Variants in COL5A1 observed in about 807,000 individuals in gnomAD.
COL5A1 encodes the protein collagen type V alpha 1 chain, also known as collagen alpha-1(V) chain.
COL5A1 carries 16 observed loss-of-function variants against 263.7 expected under a neutral mutation model. That is an observed-to-expected ratio of 0.06 (90% CI 0.04 to 0.09). The LOEUF is 0.09. Among genes scored for constraint, COL5A1 ranks in the 10% least tolerant of loss-of-function variants. COL5A1 has a pLI of 1.00. For synonymous variants in COL5A1, 1,012 were observed against 1,004.5 expected (o/e 1.01, Z -0.14); for missense variants, 2,036 against 2,540.5 (o/e 0.80, Z 4.27).
chr9:134,744,516 C>A (rs1003382556), intron 11 of COL5A1, among the ~76,000 whole-genome samples: 1 of 151,830 alleles, frequency 6.6e-6, no homozygotes, highest in East Asian at 1.9e-4. Context: ...CACTCATGCA[C>A]ACCCCCATAC....
At chr9:134,645,772 C>T (rs2132462108) in intron 1 of COL5A1, among the ~76,000 whole-genome samples, 1 of 152,344 alleles carries the variant, frequency 6.6e-6, no homozygotes, top group Non-Finnish European at 1.5e-5. Context: ...TTTGACTTGT[C>T]ACAGTTCCCT....
At chr9:134,812,348 G>T (rs1186353733) in intron 46 of COL5A1, 101 bp from the exon 47 acceptor site, 24 of 1,245,792 alleles carry the variant, frequency 1.9e-5, no homozygotes, top group Non-Finnish European at 2.7e-5. Flanking sequence ...GGGGCTTCGG[G>T]GGCTCAGTGG....
intron 1 of COL5A1, among the ~76,000 whole-genome samples, chr9:134,650,634 G>A (rs1032278276): frequency 1.3e-5 from 2 of 152,234 alleles, no homozygotes; most frequent in Non-Finnish European, 2.9e-5. Flanking sequence ...GCACCTGCCA[G>A]CCCCATGGGG....
intron 64 of COL5A1, 94 bp downstream of exon 64, chr9:134,830,138 C>G: frequency 4.3e-6 from 7 of 1,612,520 alleles, no homozygotes; most frequent in Non-Finnish European, 5.1e-6. Context: ...CAAAGAGCAG[C>G]CTTCCACCTG....
At chr9:134,666,451 T>C (rs775615798) in intron 1 of COL5A1, among the ~76,000 whole-genome samples, 4 of 152,190 alleles carry the variant, frequency 2.6e-5, no homozygotes, top group Non-Finnish European at 4.4e-5. Flanking sequence ...AATTCTCTTC[T>C]TGGGGAGGCT....
chr9:134,713,957 TCTC>T (rs1834156608), intron 4 of COL5A1, among the ~76,000 whole-genome samples: 1 of 152,108 alleles, frequency 6.6e-6, no homozygotes, highest in Non-Finnish European at 1.5e-5. Context: ...GCAGCCACCT[TCTC>T]CTCCTCCAGG....
intron 48 of COL5A1, among the ~76,000 whole-genome samples, chr9:134,813,656 TC>T (rs1838626190): frequency 6.6e-6 from 1 of 152,194 alleles, no homozygotes; most frequent in Non-Finnish European, 1.5e-5. Flanking sequence ...GCCCTGGCCA[TC>T]CCCCACCTGG....
chr9:134,777,030 A>G (rs986978958), intron 27 of COL5A1, among the ~76,000 whole-genome samples: 3 of 152,176 alleles, frequency 2.0e-5, no homozygotes, highest in Admixed American at 1.3e-4. Flanking sequence ...GGGGTTCACC[A>G]TATGAGTTTT....
intron 2 of COL5A1, among the ~76,000 whole-genome samples, chr9:134,692,944 G>T (rs532092905): frequency 6.6e-6 from 1 of 151,976 alleles, no homozygotes; most frequent in Non-Finnish European, 1.5e-5. Flanking sequence ...GTGGTGGTGC[G>T]CGCCTGTAAT....
Position 134,798,157 on chromosome 9 carries a change from T to G in COL5A1, c.2899-251T>G, listed in dbSNP as rs570501391. Among the ~76,000 whole-genome samples the G allele has an allele frequency of 3.1e-3, 476 of 152,284 alleles. 2 individuals carry two copies. The highest frequency in any genetic ancestry group is 4.2e-3 in the Non-Finnish European group (287 of 68,016). On this transcript the variant is annotated intron_variant, in intron 36 of 65. Coordinates refer to ENST00000371817, the MANE Select transcript of COL5A1 (RefSeq NM_000093.5). Reference sequence around the variant, plus strand: ...GGCCTCTTATGCCTCGGTTTCTCCCTTGGTAGATGAGGGTGACAACAGCAC... The same window carrying G: ...GGCCTCTTATGCCTCGGTTTCTCCCGTGGTAGATGAGGGTGACAACAGCAC...
At chr9:134,667,610 G>A (rs1832400355) in intron 1 of COL5A1, among the ~76,000 whole-genome samples, 1 of 152,236 alleles carries the variant, frequency 6.6e-6, no homozygotes, top group African/African-American at 2.4e-5. Context: ...GCTGTCGCTA[G>A]GCTTATCTCT....
At chr9:134,782,413 A>G in intron 28 of COL5A1, 1 of 586,606 alleles carries the variant, frequency 1.7e-6, no homozygotes, top group Non-Finnish European at 3.1e-6. Flanking sequence ...CAGAACATTC[A>G]GATTCAAACT....
At chr9:134,802,304 G>A (rs1166155444) in intron 38 of COL5A1, among the ~76,000 whole-genome samples, 1 of 152,218 alleles carries the variant, frequency 6.6e-6, no homozygotes, top group Non-Finnish European at 1.5e-5. Flanking sequence ...TCCCTGCTGT[G>A]GGTGTCCAAG....
intron 4 of COL5A1, among the ~76,000 whole-genome samples, chr9:134,704,716 G>T (rs747596270): frequency 1.3e-5 from 2 of 152,024 alleles, no homozygotes; most frequent in Non-Finnish European, 2.9e-5. Flanking sequence ...CTGTGCTCAC[G>T]TTGGAAAATT....
At chr9:134,769,691 G>C (rs2132734788) in intron 25 of COL5A1, among the ~76,000 whole-genome samples, 1 of 152,322 alleles carries the variant, frequency 6.6e-6, no homozygotes, top group South Asian at 2.1e-4. Flanking sequence ...GCCCTGCGGG[G>C]AGGAAGGGGA....
Position 134,730,249 on chromosome 9 carries a change from C to T in COL5A1, c.938C>T (p.Thr313Ile), listed in dbSNP as rs956494623. The T allele has an allele frequency of 2.5e-6, 4 of 1,613,894 alleles. No homozygotes were observed. The African/African-American group carries it at 4.0e-5, about 16-fold the overall frequency. Residue 313 changes from threonine to isoleucine, a missense_variant, in exon 7 of 66, where the codon ACC (threonine) becomes ATC (isoleucine). Physicochemically the swap from Thr to Ile is moderately conservative, Grantham distance 89 (BLOSUM62 -1). Transcript: ENST00000371817. The stretch of plus-strand genomic sequence containing the variant: ...CTTGGCTCCCAGGAGCTGACCCCGA[C>T]CCCCACGGAAGCTGCTCCCATGCCT... ...TTEVPEELTP[T>I]PTEAAPMPET... is the part of the protein sequence containing the mutation.
chr9:134,823,566 C>T (rs1312083941), intron 61 of COL5A1, 97 bp downstream of exon 61: 1 of 1,294,952 alleles, frequency 7.7e-7, no homozygotes, highest in African/African-American at 1.5e-5. Flanking sequence ...CCTCCTGAGA[C>T]TCATGAAGCC....
rs1471870552 is a variant in COL5A1, at chr9:134,829,843, C to T, written c.5068-133C>T. 5 of 973,736 alleles carry T rather than the reference C, an allele frequency of 5.1e-6. No homozygotes were observed. In the Admixed American group the frequency reaches 6.5e-5, roughly 13 times the overall value. 60.3% of individuals were successfully genotyped at this position (973,736 alleles called of 1,614,324 possible). A position where few individuals can be genotyped will look rare whatever the true frequency, so the allele number is the denominator to read the frequency against. On this transcript the variant is annotated intron_variant, in intron 63 of 65. Coordinates refer to ENST00000371817, the MANE Select transcript of COL5A1 (RefSeq NM_000093.5). Reference sequence around the variant, plus strand: ...GCTGCACTGAAGGCGCTCGGTGGGTCCTCCCTGCAGCCCCCCCGGCGTGAG... The same window carrying T: ...GCTGCACTGAAGGCGCTCGGTGGGTTCTCCCTGCAGCCCCCCCGGCGTGAG...
rs1450752577 is a variant in COL5A1, at chr9:134,742,401, A to G, written c.1494+3593A>G. On this transcript the variant is annotated intron_variant, in intron 11 of 65. Coordinates refer to ENST00000371817, the MANE Select transcript of COL5A1 (RefSeq NM_000093.5). The surrounding 1 kb of genome is among the most constrained non-coding windows in gnomAD (Gnocchi z 4.6). ...GAAGAGCTGGGAATCCCGAGATGGG[A>G]GGTCTGGAGCGGCTGTGTCCGGGTG... Among the ~76,000 whole-genome samples the G allele has an allele frequency of 6.6e-6, 1 of 152,054 alleles. No individual in the cohort carries two copies. Among genetic ancestry groups the G allele is most frequent in the Non-Finnish European group, 1.5e-5 (1 of 67,998 alleles).
Sources: allele counts gnomAD v4.1 joint callset (sites outside exome capture counted in the v4.1 genomes callset), GRCh38; gene constraint gnomAD v4.1.1; non-coding constraint Gnocchi (gnomAD v3.1); transcripts MANE v1.5; gene names NCBI Gene and HGNC (gene_info 2026-07-23, HGNC 2026-07-21).